Variants in MCM8 observed in about 807,000 individuals in gnomAD.
MCM8 encodes the protein DNA helicase MCM8.
MCM8 carries 85 observed loss-of-function variants against 98.9 expected under a neutral mutation model. The ratio of observed to expected loss-of-function variants is 0.86; its 90% CI spans 0.72 to 1.03. The LOEUF is 1.03. Among genes scored for constraint, MCM8 ranks in the 50% least tolerant of loss-of-function variants. The probability of loss-of-function intolerance (pLI) is 0.00; values close to 1 mark genes in which losing one functional copy is unlikely to be tolerated. For synonymous variants in MCM8, 352 were observed against 338.6 expected (o/e 1.04, Z -0.44); for missense variants, 951 against 997.8 (o/e 0.95, Z 0.63).
At chr20:5,979,489 T>C (rs2089587152) in intron 13 of MCM8, among the ~76,000 whole-genome samples, 1 of 152,240 alleles carries the variant, frequency 6.6e-6, no homozygotes, top group South Asian at 2.1e-4. Context: ...ATGTCTAAAA[T>C]TAAAATCCTG....
chr20:5,989,414 C>T (rs973075449), intron 17 of MCM8, among the ~76,000 whole-genome samples: 1 of 152,072 alleles, frequency 6.6e-6, no homozygotes, highest in African/African-American at 2.4e-5. Context: ...CCACGCCTGG[C>T]CTGATAGTGT....
At chr20:5,963,400 G>A (rs543115640) in intron 8 of MCM8, 41 bp downstream of exon 8, 7 of 1,446,726 alleles carry the variant, frequency 4.8e-6, no homozygotes, top group Non-Finnish European at 6.8e-6. Flanking sequence ...GGCTTTAGAT[G>A]TCACACTGTT....
chr20:5,964,021 T>A (rs1419670069), intron 8 of MCM8, among the ~76,000 whole-genome samples: 1 of 152,222 alleles, frequency 6.6e-6, no homozygotes, highest in Non-Finnish European at 1.5e-5. Flanking sequence ...ATAATATTGT[T>A]TTGAAGTTTT....
chr20:5,970,619 A>C (rs78651512), intron 10 of MCM8, among the ~76,000 whole-genome samples: 5,238 of 152,318 alleles, frequency 0.034, 125 homozygotes, highest in Middle Eastern at 0.1. Flanking sequence ...TGCAGATGCC[A>C]GTAGGAAGCC....
intron 6 of MCM8, among the ~76,000 whole-genome samples, chr20:5,958,134 T>C (rs1354180547): frequency 6.6e-6 from 1 of 152,076 alleles, no homozygotes; most frequent in Non-Finnish European, 1.5e-5. Flanking sequence ...GCACTGGGAG[T>C]CCGAGGCAGG....
At chr20:5,959,220 A>G (rs563400022) in intron 7 of MCM8, among the ~76,000 whole-genome samples, 1 of 152,328 alleles carries the variant, frequency 6.6e-6, no homozygotes, top group East Asian at 1.9e-4. Context: ...ATTAACATTT[A>G]TCTACTCTAT....
At chr20:5,978,065 G>A (rs758652169) in intron 13 of MCM8, 48 bp downstream of exon 13, 2 of 1,600,408 alleles carry the variant, frequency 1.2e-6, no homozygotes, top group Non-Finnish European at 8.5e-7. Flanking sequence ...TTTTTGAAAA[G>A]CCTTTTCCTT....
In MCM8 at chr20:5,952,364, G is replaced by A. The variant is rs2088854155; in HGVS notation, c.149-60G>A. 4.4e-6 allele frequency: 7 copies of A among 1,587,988 alleles called. No individual in the cohort carries two copies. The East Asian group carries it at 8.9e-5, about 20-fold the overall frequency. ...TTAATGAGAGTCTCATTTGGAAAGA[G>A]AAGCATATTGGAAAAATGTTCACTC... is the stretch of plus-strand genomic sequence containing the variant. On this transcript the variant is annotated intron_variant, in intron 2 of 18. Coordinates refer to ENST00000610722, the MANE Select transcript of MCM8 (RefSeq NM_032485.6).
At chr20:5,967,690 G>T in intron 9 of MCM8, 103 bp downstream of exon 9, 1 of 1,411,972 alleles carries the variant, frequency 7.1e-7, no homozygotes, top group Non-Finnish European at 9.6e-7. Context: ...GGAATTTCTT[G>T]TTGCTTACAT....
chr20:5,960,957 G>C (rs1213582235), intron 7 of MCM8, among the ~76,000 whole-genome samples: 2 of 152,066 alleles, frequency 1.3e-5, no homozygotes, highest in East Asian at 3.9e-4. Flanking sequence ...AAATAAATAA[G>C]AAGCCCTTTT....
intron 10 of MCM8, among the ~76,000 whole-genome samples, chr20:5,968,530 G>A (rs2089328889): frequency 6.6e-6 from 1 of 151,932 alleles, no homozygotes; most frequent in South Asian, 2.1e-4. Flanking sequence ...GGCAACAAGA[G>A]TGAAACTCTG....
rs200358870 is a variant in MCM8 at position 5,968,030 on chromosome 20, G to A, written c.1223+5G>A. The A allele has an allele frequency of 5.6e-6, 9 of 1,593,018 alleles. No homozygotes were observed. Among genetic ancestry groups the A allele is most frequent in the East Asian group, 2.2e-5 (1 of 44,542 alleles). On this transcript the variant is annotated splice_donor_5th_base_variant and intron_variant, in intron 10 of 18. Transcript: ENST00000610722. ...CCTGTTTAAACTCATTGTCAAGTAT[G>A]TATGCTGTCATTTGAAATTTTATTA...
intron 7 of MCM8, among the ~76,000 whole-genome samples, chr20:5,962,239 C>T (rs1030611895): frequency 6.6e-6 from 1 of 151,954 alleles, no homozygotes; most frequent in African/African-American, 2.4e-5. Flanking sequence ...AATGGCCTTG[C>T]CTTTTGTGAG....
chr20:5,980,604 T>A (rs542515331), intron 13 of MCM8, among the ~76,000 whole-genome samples: 9 of 152,210 alleles, frequency 5.9e-5, no homozygotes, highest in East Asian at 1.9e-4. Flanking sequence ...GGAGGTTTTT[T>A]AAAAAAATTT....
chr20:5,963,443 T>G, intron 8 of MCM8, 84 bp downstream of exon 8: 1 of 981,420 alleles, frequency 1.0e-6, no homozygotes, highest in Non-Finnish European at 1.6e-6. Flanking sequence ...TATTATATTG[T>G]ACGTTTTATC....
At chr20:5,955,489 GGAT>G (rs111804572) in intron 5 of MCM8, among the ~76,000 whole-genome samples, 3,676 of 152,256 alleles carry the variant, frequency 0.024, 129 homozygotes, top group African/African-American at 0.077. Context: ...CAACTTATTT[GGAT>G]TTGCTTAATC....
rs907521363 is a variant in MCM8, at chr20:5,997,168, CT to C, written c.*2786del. On this transcript the variant is annotated 3_prime_UTR_variant, in exon 19 of 19. Transcript: ENST00000610722. ...AGAAAACATTACATCATGAAAGTTT[CT>C]TTTTTTTTCTTTTTTCTTTTTTTTT... 7 of 148,920 alleles carry C rather than the reference CT, an allele frequency of 4.7e-5. No individual in the cohort carries two copies. Among genetic ancestry groups the C allele is most frequent in the Non-Finnish European group, 7.1e-5 (5 of 70,084 alleles). 9.2% of individuals were successfully genotyped at this position (148,920 alleles called of 1,614,324 possible).
chr20:5,965,408 A>T (rs779127432), intron 8 of MCM8: 12 of 152,162 alleles, frequency 7.9e-5, no homozygotes, highest in Non-Finnish European at 1.6e-4. Context: ...TTACCAGAAT[A>T]ATTAACATAA....
intron 5 of MCM8, 106 bp from the exon 6 acceptor site, chr20:5,957,020 T>C (rs1555785430): frequency 1.8e-6 from 1 of 566,692 alleles, no homozygotes; most frequent in Non-Finnish European, 2.9e-6. Flanking sequence ...TTTTCTGTTT[T>C]TATTCTGTTT....
Sources: gnomAD v4.1 joint callset for allele counts (sites outside exome capture counted in the v4.1 genomes callset) on GRCh38, gnomAD v4.1.1 for gene constraint, MANE v1.5 for transcripts, NCBI Gene and HGNC (gene_info 2026-07-23, HGNC 2026-07-21) for gene names.